Variants in IQCM observed in about 807,000 individuals in gnomAD.
IQCM encodes IQ motif containing M.
A neutral mutation model predicts 57.6 loss-of-function variants in IQCM; 45 were observed. The observed-to-expected ratio is 0.78, with a 90% CI of 0.62 to 1.00. IQCM has a LOEUF of 1.00. IQCM is among the 50% of genes least tolerant of loss of function. The pLI, the probability that IQCM is intolerant of heterozygous loss-of-function variation, is 0.00. For missense variants in IQCM, 468 were observed against 511.6 expected (o/e 0.91, Z 0.82); for synonymous variants, 148 against 158.9 (o/e 0.93, Z 0.51).
At chr4:149,403,275 A>G (rs1369470360) in intron 13 of IQCM, among the ~76,000 whole-genome samples, 1 of 151,986 alleles carries the variant, frequency 6.6e-6, no homozygotes, top group Non-Finnish European at 1.5e-5. Context: ...AAGTTCCTGC[A>G]TGTAACAGCA....
chr4:149,529,398 A>G (rs1459022826), intron 12 of IQCM, among the ~76,000 whole-genome samples: 1 of 152,170 alleles, frequency 6.6e-6, no homozygotes, highest in African/African-American at 2.4e-5. Context: ...GGTTTTTGTC[A>G]TTCCAAATAT....
At chr4:149,737,770 C>G (rs970238524) in intron 3 of IQCM, 3 of 152,160 alleles carry the variant, frequency 2.0e-5, no homozygotes, top group Non-Finnish European at 4.4e-5. Flanking sequence ...TTTGAGGAGG[C>G]CTCTAGCCAG....
At chr4:149,697,894 T>G (rs933507685) in intron 5 of IQCM, among the ~76,000 whole-genome samples, 4 of 152,148 alleles carry the variant, frequency 2.6e-5, no homozygotes, top group African/African-American at 9.7e-5. Flanking sequence ...TGGTATGTTA[T>G]GAGTTCTTTA....
At chr4:149,373,143 T>C (rs1730476346) in intron 13 of IQCM, among the ~76,000 whole-genome samples, 1 of 152,176 alleles carries the variant, frequency 6.6e-6, no homozygotes, top group South Asian at 2.1e-4. Flanking sequence ...CTCTGGATCT[T>C]ATTTTGTGTC....
intron 12 of IQCM, among the ~76,000 whole-genome samples, chr4:149,459,320 C>T (rs1738028566): frequency 6.6e-6 from 1 of 152,224 alleles, no homozygotes; most frequent in Non-Finnish European, 1.5e-5. Context: ...GTGCCTGGCA[C>T]TTGGCAGGTA....
intron 12 of IQCM, among the ~76,000 whole-genome samples, chr4:149,434,095 A>G (rs1284903598): frequency 1.3e-5 from 2 of 152,112 alleles, no homozygotes; most frequent in African/African-American, 4.8e-5. Context: ...AGTGCTTTAA[A>G]ATATTAACAT....
chr4:149,371,532 C>T (rs914074176), intron 13 of IQCM, among the ~76,000 whole-genome samples: 3 of 152,140 alleles, frequency 2.0e-5, no homozygotes, highest in African/African-American at 7.2e-5. Context: ...CTCCATCATG[C>T]CAGAAGGCTG....
At chr4:149,606,383 T>C (rs1754783609) in intron 8 of IQCM, among the ~76,000 whole-genome samples, 1 of 152,122 alleles carries the variant, frequency 6.6e-6, no homozygotes, top group Non-Finnish European at 1.5e-5. Context: ...ACCACAGCCT[T>C]AGGTCACAAC....
At position 149,533,093 on chromosome 4, in the gene IQCM, G is replaced by A. The variant is rs141686360; in HGVS notation, c.1228+15362C>T. ...TAAATAGAAGAAACAGCAAATGCAA[G>A]TAATTTAGTGTATTTAAAAAGTCAA... On this transcript the variant is annotated intron_variant, in intron 12 of 13. Transcript: ENST00000636793. Among the ~76,000 whole-genome samples the A allele has an allele frequency of 2.0e-3, 304 of 152,146 alleles. 2 individuals are homozygous for A. The highest frequency in any genetic ancestry group is 0.014 in the Middle Eastern group (4 of 294).
intron 5 of IQCM, among the ~76,000 whole-genome samples, chr4:149,696,232 C>T (rs1275643027): frequency 6.6e-6 from 1 of 152,130 alleles, no homozygotes; most frequent in Non-Finnish European, 1.5e-5. Flanking sequence ...ACCCAATGAA[C>T]AAGTATTTGT....
intron 2 of IQCM, among the ~76,000 whole-genome samples, chr4:149,801,414 C>G (rs1173230897): frequency 6.6e-6 from 1 of 151,924 alleles, no homozygotes; most frequent in Non-Finnish European, 1.5e-5. Flanking sequence ...GAAAGGAGAT[C>G]CGTATATCAA....
chr4:149,597,871 C>T (rs961643490), intron 8 of IQCM, among the ~76,000 whole-genome samples: 1 of 152,064 alleles, frequency 6.6e-6, no homozygotes, highest in African/African-American at 2.4e-5. Context: ...ATAAACTACA[C>T]TTACACACCT....
At chr4:149,429,966 A>T in intron 13 of IQCM, 1 of 1,214,432 alleles carries the variant, frequency 8.2e-7, no homozygotes. Flanking sequence ...ACAAAGTGCA[A>T]ATAGACTCTA....
At chr4:149,526,785 G>A (rs1048502518) in intron 12 of IQCM, among the ~76,000 whole-genome samples, 11 of 152,052 alleles carry the variant, frequency 7.2e-5, no homozygotes, top group African/African-American at 2.4e-4. Context: ...AACTGTGAAT[G>A]CAACATATTA....
intron 11 of IQCM, among the ~76,000 whole-genome samples, chr4:149,552,435 A>C (rs1749130912): frequency 6.6e-6 from 1 of 152,166 alleles, no homozygotes; most frequent in East Asian, 1.9e-4. Flanking sequence ...TGGCTCTAAT[A>C]ATCTATCCTA....
chr4:149,592,225 A>AAG (rs1753257837), intron 8 of IQCM, among the ~76,000 whole-genome samples: 1 of 152,146 alleles, frequency 6.6e-6, no homozygotes, highest in African/African-American at 2.4e-5. Context: ...GCATTTTTTC[A>AAG]TATACCTGTT....
intron 13 of IQCM, among the ~76,000 whole-genome samples, chr4:149,412,839 A>G (rs1268957784): frequency 6.6e-6 from 1 of 152,206 alleles, no homozygotes; most frequent in Non-Finnish European, 1.5e-5. Flanking sequence ...GAAGGAGAGC[A>G]GGGCTTTTCT....
At chr4:149,365,596 A>C (rs185475427) in intron 13 of IQCM, among the ~76,000 whole-genome samples, 1 of 152,276 alleles carries the variant, frequency 6.6e-6, no homozygotes, top group Admixed American at 6.5e-5. Context: ...TCTGACAAAC[A>C]CTACTTTGGA....
chr4:149,679,246 A>G, intron 7 of IQCM, among the ~76,000 whole-genome samples: 1 of 151,622 alleles, frequency 6.6e-6, no homozygotes, highest in Non-Finnish European at 1.5e-5. Context: ...GGAGGGAACT[A>G]GAGGTTGTTA....
Sources: allele counts gnomAD v4.1 joint callset (sites outside exome capture counted in the v4.1 genomes callset), GRCh38; gene constraint gnomAD v4.1.1; transcripts MANE v1.5; gene names NCBI Gene and HGNC (gene_info 2026-07-23, HGNC 2026-07-21).